Variants in C2CD2 observed in about 807,000 individuals in gnomAD.
C2CD2 encodes the protein C2 domain-containing protein 2.
A neutral mutation model predicts 74.3 loss-of-function variants in C2CD2; 43 were observed. The observed-to-expected ratio is 0.58, with a 90% confidence interval of 0.45 to 0.75. C2CD2 has a LOEUF of 0.75. Ranked by LOEUF, C2CD2 falls within the 30% of genes least tolerant of loss-of-function variation. C2CD2 has a pLI of 0.00. For synonymous variants in C2CD2, 422 were observed against 390.7 expected, an observed-to-expected ratio of 1.08 and a Z score of -0.94; for missense variants, 801 against 916.3, an observed-to-expected ratio of 0.87 and a Z score of 1.63.
At chr21:41,951,018 C>T (rs2065446103) in intron 1 of C2CD2, among the ~76,000 whole-genome samples, 1 of 152,104 alleles carries the variant, frequency 6.6e-6, no homozygotes, top group South Asian at 2.1e-4. Flanking sequence ...GAGTGTCAGC[C>T]CTAATCCGGG....
In C2CD2 at chr21:41,912,399, C is replaced by A; in HGVS notation, c.886G>T (p.Val296Phe). Residue 296 changes from valine to phenylalanine, a missense_variant, in exon 7 of 14, where the codon GTT becomes TTT. Val to Phe is a conservative substitution (Grantham distance 50). Coordinates refer to ENST00000380486, the MANE Select transcript of C2CD2 (RefSeq NM_015500.2). ...AVCVVQLNDP[V>F]QRFSSTLTKN... ...GTCAGGGTGCTGGAGAACCTCTGAACAGGATCGTTCAGCTGCACGACGCAC... is the reference window on the plus strand; with the variant it reads ...GTCAGGGTGCTGGAGAACCTCTGAAAAGGATCGTTCAGCTGCACGACGCAC... The A allele has an allele frequency of 8.7e-6, 14 of 1,612,874 alleles. No homozygotes were observed. The highest frequency in any genetic ancestry group is 1.2e-5 in the Non-Finnish European group (14 of 1,179,792).
intron 2 of C2CD2, among the ~76,000 whole-genome samples, chr21:41,928,437 C>T (rs936176535): frequency 2.6e-5 from 4 of 151,858 alleles, no homozygotes; most frequent in East Asian, 3.9e-4. Flanking sequence ...CTCCACCACC[C>T]GCCCTAGGAA....
chr21:41,947,403 C>T (rs934046865), intron 1 of C2CD2, among the ~76,000 whole-genome samples: 2 of 151,934 alleles, frequency 1.3e-5, no homozygotes, highest in South Asian at 2.1e-4. Flanking sequence ...GTGATCCGCC[C>T]GCCTCAGTCT....
At position 41,922,009 on chromosome 21, in the gene C2CD2, C is replaced by T. The variant is rs141434639; in HGVS notation, c.455G>A (p.Arg152Gln). The T allele has an allele frequency of 2.0e-5, 32 of 1,613,816 alleles. No homozygotes were observed. Among genetic ancestry groups the T allele is most frequent in the African/African-American group, 1.7e-4 (13 of 74,904 alleles). ...SETPALGAGC[R>Q]LYDMRLSPFH... is the part of the protein sequence containing the mutation. Reference sequence around the variant, plus strand: ...AGGGGAGAGCCGCATGTCGTACAGCCGGCATCCAGCACCCAAGGCAGGCGT... The same window carrying T: ...AGGGGAGAGCCGCATGTCGTACAGCTGGCATCCAGCACCCAAGGCAGGCGT... Residue 152 changes from arginine to glutamine, a missense_variant, in exon 3 of 14, where the codon CGG (arginine) becomes CAG (glutamine). Arg to Gln is a conservative substitution (Grantham distance 43). Transcript: ENST00000380486.
chr21:41,899,691 G>T lies in C2CD2; in HGVS notation c.1561-329C>A, dbSNP rs2064869875. ...GCAGAAATGAGATGCGAGAGAGAGA[G>T]CCCGTCCTTCAGAGTCCACGACAGC... On this transcript the variant is annotated intron_variant, in intron 12 of 13. Coordinates refer to ENST00000380486, the MANE Select transcript of C2CD2 (RefSeq NM_015500.2). This position sits in a 1 kb window ranked among gnomAD's most constrained non-coding sequence, Gnocchi z 4.4. Among the ~76,000 whole-genome samples, 1 of 152,118 alleles carries T rather than the reference G, an allele frequency of 6.6e-6. No homozygotes were observed. Among genetic ancestry groups the T allele is most frequent in the Non-Finnish European group, 1.5e-5 (1 of 68,028 alleles).
chr21:41,947,084 C>A (rs1448587526), intron 1 of C2CD2, among the ~76,000 whole-genome samples: 1 of 130,462 alleles, frequency 7.7e-6, no homozygotes, highest in African/African-American at 3.0e-5. Context: ...ATGTTAATTT[C>A]TTTTTCTTTC....
intron 2 of C2CD2, among the ~76,000 whole-genome samples, chr21:41,933,576 C>T (rs992206141): frequency 3.3e-5 from 5 of 152,218 alleles, no homozygotes; most frequent in Admixed American, 1.3e-4. Context: ...AAAAATGTGT[C>T]ATGTTTGGCC....
At position 41,923,738 on chromosome 21, in the gene C2CD2, C is replaced by T. The variant is rs1489263504; in HGVS notation, c.379-1653G>A. Among the ~76,000 whole-genome samples, 1 of 152,126 alleles carries T rather than the reference C, an allele frequency of 6.6e-6. No individual in the cohort carries two copies. Among genetic ancestry groups the T allele is most frequent in the African/African-American group, 2.4e-5 (1 of 41,396 alleles). ...TTAAGAGGGGTGCTTTTCACAGCTA[C>T]CATGGCACAGAGAGAGATCTAGTTT... is the stretch of plus-strand genomic sequence containing the variant. On this transcript the variant is annotated intron_variant, in intron 2 of 13. Transcript: ENST00000380486. This position sits in a 1 kb window ranked among gnomAD's most constrained non-coding sequence, Gnocchi z 5.8.
chr21:41,910,083 C>T (rs541537284), intron 7 of C2CD2, among the ~76,000 whole-genome samples: 1 of 151,890 alleles, frequency 6.6e-6, no homozygotes, highest in Admixed American at 6.6e-5. Context: ...ATCCTCCCAC[C>T]TCGGCCCCCC....
At position 41,924,441 on chromosome 21, in the gene C2CD2, C is replaced by T. The variant is rs546855036; in HGVS notation, c.379-2356G>A. 4.6e-5 allele frequency among the ~76,000 whole-genome samples: 7 copies of T among 152,322 alleles called. No individual in the cohort carries two copies. The highest frequency in any genetic ancestry group is 1.9e-4 in the East Asian group (1 of 5,192). ...CAACTCTTTCTACCGGTTCTTATAA[C>T]GCCACGTTCAGAAGACTGATACACA... On this transcript the variant is annotated intron_variant, in intron 2 of 13. Coordinates refer to ENST00000380486, the MANE Select transcript of C2CD2 (RefSeq NM_015500.2). This position sits in a 1 kb window ranked among gnomAD's most constrained non-coding sequence, Gnocchi z 4.4.
In C2CD2 at chr21:41,901,703, A is replaced by G; in HGVS notation, c.1479T>C (p.Ile493=). 1 of 1,613,992 alleles carries G rather than the reference A, an allele frequency of 6.2e-7. No individual in the cohort carries two copies. Among genetic ancestry groups the G allele is most frequent in the Non-Finnish European group, 8.5e-7 (1 of 1,179,832 alleles). ...GCTTTGAAGATTCACTGAGCTGTCG[A>G]ATGGCCACTTCAGCCACTGGATCCG... The part of the protein sequence containing the change: ...NGSDPVAEVA[I]RQLSESSKLK... Residue 493 remains isoleucine (I), a synonymous_variant, in exon 12 of 14, where the codon ATT becomes ATC. Transcript: ENST00000380486.
chr21:41,909,651 T>C (rs1321507431), intron 7 of C2CD2, 128 bp from the exon 8 acceptor site: 6 of 717,252 alleles, frequency 8.4e-6, no homozygotes, highest in Admixed American at 4.3e-5. Flanking sequence ...TACCAAGACA[T>C]ATAAGCAAAA....
chr21:41,919,906 G>A (rs1215201990), intron 3 of C2CD2, among the ~76,000 whole-genome samples: 2 of 152,162 alleles, frequency 1.3e-5, no homozygotes, highest in Admixed American at 6.5e-5. Flanking sequence ...GGGTCCTTCC[G>A]AAGAGCCCAG....
At chr21:41,928,770 C>T (rs2065238745) in intron 2 of C2CD2, among the ~76,000 whole-genome samples, 1 of 152,030 alleles carries the variant, frequency 6.6e-6, no homozygotes, top group South Asian at 2.1e-4. Flanking sequence ...ACCACACACA[C>T]CCAGGGCGAG....
intron 11 of C2CD2, among the ~76,000 whole-genome samples, 195 bp downstream of exon 11, chr21:41,905,529 G>A (rs1267814356): frequency 6.6e-6 from 1 of 152,096 alleles, no homozygotes; most frequent in African/African-American, 2.4e-5. Flanking sequence ...TGTTGGCCAG[G>A]CTGGTCTCAA....
At position 41,918,800 on chromosome 21, in the gene C2CD2, C is replaced by G. The variant is rs1015326623; in HGVS notation, c.597+56G>C. On this transcript the variant is annotated intron_variant, in intron 4 of 13. Coordinates refer to ENST00000380486, the MANE Select transcript of C2CD2 (RefSeq NM_015500.2). ...ACTCAGTTCCCCACCGCAGACTGTC[C>G]TAACACACGTGCGTTCTCACGCCAA... The G allele has an allele frequency of 6.9e-5, 94 of 1,355,986 alleles. No homozygotes were observed. The African/African-American group carries it at 1.2e-3, about 17-fold the overall frequency. The allele number at this position is 1,355,986 out of a possible 1,614,324, so 84.0% of individuals were successfully genotyped here.
rs570015238 is a variant in C2CD2 at position 41,934,025 on chromosome 21, G to A, written c.378+8122C>T. Among the ~76,000 whole-genome samples the A allele has an allele frequency of 5.3e-5, 8 of 152,152 alleles. No individual in the cohort carries two copies. In the East Asian group the frequency reaches 1.5e-3, roughly 29 times the overall value. ...TAACAGCAGCCTCATCCCAGCAGGC[G>A]GCAGCAGGAGATAGATGGTTAAAAA... On this transcript the variant is annotated intron_variant, in intron 2 of 13. Coordinates refer to ENST00000380486, the MANE Select transcript of C2CD2 (RefSeq NM_015500.2).
At chr21:41,898,209 C>T (rs981022360) in intron 13 of C2CD2, among the ~76,000 whole-genome samples, 4 of 152,210 alleles carry the variant, frequency 2.6e-5, no homozygotes, top group African/African-American at 9.6e-5. Flanking sequence ...CTGAGCTTCA[C>T]CTGAGCTCAC....
chr21:41,948,893 CTTTTTTTTT>C (rs2146237313), intron 1 of C2CD2, among the ~76,000 whole-genome samples: 1 of 98,636 alleles, frequency 1.0e-5, no homozygotes, highest in South Asian at 3.4e-4. Flanking sequence ...TTTTTTTTTT[CTTTTTTTTT>C]ACAAAGACCA....
Sources: gnomAD v4.1 joint callset for allele counts (sites outside exome capture counted in the v4.1 genomes callset) on GRCh38, gnomAD v4.1.1 for gene constraint, Gnocchi (gnomAD v3.1) non-coding constraint, MANE v1.5 for transcripts, NCBI Gene and HGNC (gene_info 2026-07-23, HGNC 2026-07-21) for gene names.